Variants in PTER observed in about 807,000 individuals in gnomAD.
The protein encoded by PTER is N-acetyltaurine hydrolase.
PTER carries 38 observed loss-of-function variants against 29.6 expected under a neutral mutation model. The ratio of observed to expected loss-of-function variants is 1.28; its 90% CI spans 0.99 to 1.68. The LOEUF is 1.68. PTER is among the 40% of genes most tolerant of loss of function. PTER has a pLI of 0.00. For missense variants in PTER, 482 were observed against 427.8 expected (o/e 1.13, Z -1.12); for synonymous variants, 172 against 154.5 (o/e 1.11, Z -0.84).
chr10:16,497,790 T>A (rs554626637), intron 3 of PTER, among the ~76,000 whole-genome samples: 1 of 152,172 alleles, frequency 6.6e-6, no homozygotes, highest in Non-Finnish European at 1.5e-5. Context: ...CCTCAGCATA[T>A]GGATAAGATC....
intron 1 of PTER, among the ~76,000 whole-genome samples, chr10:16,465,312 C>G (rs1834769174): frequency 6.6e-6 from 1 of 152,172 alleles, no homozygotes. Context: ...GTTTCTTTTT[C>G]ATCTTCGTTT....
intron 1 of PTER, among the ~76,000 whole-genome samples, chr10:16,468,526 C>A (rs1834926838): frequency 6.6e-6 from 1 of 152,146 alleles, no homozygotes; most frequent in Admixed American, 6.5e-5. Context: ...CGAGTCTCCT[C>A]AAACCCTTTG....
intron 1 of PTER, among the ~76,000 whole-genome samples, chr10:16,454,530 C>G (rs1027339545): frequency 2.0e-5 from 3 of 151,578 alleles, no homozygotes; most frequent in Non-Finnish European, 4.4e-5. Context: ...GAGCCAAGAT[C>G]ACGCCACTGC....
At chr10:16,471,437 CT>C (rs1050859963) in intron 1 of PTER, among the ~76,000 whole-genome samples, 47 of 152,068 alleles carry the variant, frequency 3.1e-4, no homozygotes, top group Middle Eastern at 3.4e-3. Flanking sequence ...ACATTAAAAA[CT>C]GGAAAATACA....
At position 16,484,428 on chromosome 10, in the gene PTER, T is replaced by C; in HGVS notation, c.44T>C (p.Val15Ala). The C allele has an allele frequency of 1.2e-6, 2 of 1,612,286 alleles. No homozygotes were observed. Among genetic ancestry groups the C allele is most frequent in the Non-Finnish European group, 1.7e-6 (2 of 1,179,574 alleles). Residue 15 changes from valine (V) to alanine (A), a missense_variant, in exon 2 of 5, where the codon GTA becomes GCA. Coordinates refer to ENST00000535784, the MANE Select transcript of PTER (RefSeq NM_001261836.2). ...AAAGTCCAAACCGTTTTGGGCCTTG[T>C]AGAGCCAAGCAAACTGGGCCGTACC... is the stretch of plus-strand genomic sequence containing the variant. ...SGKVQTVLGL[V>A]EPSKLGRTLT...
At chr10:16,440,762 C>T (rs1833822382) in intron 1 of PTER, among the ~76,000 whole-genome samples, 2 of 152,220 alleles carry the variant, frequency 1.3e-5, no homozygotes, top group South Asian at 4.1e-4. Flanking sequence ...GTGAGCGGAG[C>T]CCCCTGCCTT....
At chr10:16,469,717 G>A (rs930251264) in intron 1 of PTER, among the ~76,000 whole-genome samples, 8 of 151,948 alleles carry the variant, frequency 5.3e-5, no homozygotes, top group African/African-American at 1.9e-4. Flanking sequence ...TGGGACCACA[G>A]GTGCATGTCA....
chr10:16,453,433 C>T (rs898605276), intron 1 of PTER, among the ~76,000 whole-genome samples: 1 of 152,028 alleles, frequency 6.6e-6, no homozygotes, highest in East Asian at 1.9e-4. Flanking sequence ...GGGATATAGC[C>T]AGCCGTTTTC....
chr10:16,496,467 C>T (rs570226685), intron 3 of PTER, among the ~76,000 whole-genome samples: 199 of 152,346 alleles, frequency 1.3e-3, no homozygotes, highest in African/African-American at 4.6e-3. Flanking sequence ...ATGCATCTCA[C>T]ACATGCTATT....
At chr10:16,481,983 AT>A (rs1393248322) in intron 1 of PTER, among the ~76,000 whole-genome samples, 1 of 152,188 alleles carries the variant, frequency 6.6e-6, no homozygotes, top group African/African-American at 2.4e-5. Flanking sequence ...ATCCATCATC[AT>A]TGGAAAATAT....
intron 1 of PTER, among the ~76,000 whole-genome samples, chr10:16,470,742 T>G (rs1437882216): frequency 6.6e-6 from 1 of 152,210 alleles, no homozygotes; most frequent in Non-Finnish European, 1.5e-5. Context: ...CACTCCAGCC[T>G]GGGTGACAGA....
intron 1 of PTER, among the ~76,000 whole-genome samples, chr10:16,457,902 C>T (rs553285838): frequency 8.5e-5 from 13 of 152,276 alleles, no homozygotes; most frequent in Non-Finnish European, 1.5e-4. Context: ...TGCCACCATG[C>T]GGGGCCCTCA....
chr10:16,500,819 C>G (rs1418119958), intron 3 of PTER, among the ~76,000 whole-genome samples: 1 of 152,118 alleles, frequency 6.6e-6, no homozygotes, highest in Non-Finnish European at 1.5e-5. Flanking sequence ...TAGGTCACTG[C>G]AGCCTTGAAC....
At chr10:16,453,375 T>C (rs57405418) in intron 1 of PTER, among the ~76,000 whole-genome samples, 174 of 152,322 alleles carry the variant, frequency 1.1e-3, no homozygotes, top group African/African-American at 4.0e-3. Context: ...TATATACATA[T>C]ATATAATACA....
intron 3 of PTER, 106 bp from the exon 4 acceptor site, chr10:16,504,914 T>G: frequency 7.6e-7 from 1 of 1,308,834 alleles, no homozygotes; most frequent in Non-Finnish European, 1.1e-6. Flanking sequence ...TTACTCGACT[T>G]CAACTATGTT....
chr10:16,508,073 T>TC (rs963829240), intron 4 of PTER, among the ~76,000 whole-genome samples: 6 of 146,684 alleles, frequency 4.1e-5, no homozygotes, highest in African/African-American at 1.5e-4. Context: ...TCTTTTTCTT[T>TC]TTTTTTTTTT....
intron 1 of PTER, among the ~76,000 whole-genome samples, chr10:16,474,143 G>A (rs1313931422): frequency 1.3e-5 from 2 of 152,110 alleles, no homozygotes; most frequent in African/African-American, 4.8e-5. Context: ...TTTGAACCTG[G>A]GAGTTAGACC....
chr10:16,465,262 T>C (rs1834767602), intron 1 of PTER, among the ~76,000 whole-genome samples: 1 of 25,130 alleles, frequency 4.0e-5, no homozygotes, highest in Non-Finnish European at 6.5e-5. Context: ...TGTGCTAAGG[T>C]AGGCACTGTG....
At chr10:16,479,867 A>C (rs1835412891) in intron 1 of PTER, among the ~76,000 whole-genome samples, 1 of 151,150 alleles carries the variant, frequency 6.6e-6, no homozygotes, top group East Asian at 2.0e-4. Context: ...CAGGCTCTTC[A>C]CTTCATATTG....
Sources: allele counts gnomAD v4.1 joint callset (sites outside exome capture counted in the v4.1 genomes callset), GRCh38; gene constraint gnomAD v4.1.1; transcripts MANE v1.5; gene names NCBI Gene and HGNC (gene_info 2026-07-23, HGNC 2026-07-21).